TBC1D1: variants seen among roughly 807,000 people sequenced by gnomAD.
TBC1D1 encodes TBC1 (tre-2/USP6, BUB2, cdc16) domain family, member 1.
Under a neutral mutation model 125.6 loss-of-function variants are expected in TBC1D1, and 89 were observed. That is an observed-to-expected ratio of 0.71 (90% CI 0.60 to 0.85). The LOEUF (loss-of-function observed/expected upper bound fraction) is 0.85. TBC1D1 is among the 40% of genes least tolerant of loss of function. TBC1D1 has a pLI of 0.00. For synonymous variants in TBC1D1, 565 were observed against 564.1 expected (o/e 1.00, Z -0.02); for missense variants, 1,377 against 1,469.2 (o/e 0.94, Z 1.03).
intron 12 of TBC1D1, among the ~76,000 whole-genome samples, chr4:38,075,505 G>A (rs1265332248): frequency 6.6e-6 from 1 of 152,208 alleles, no homozygotes; most frequent in African/African-American, 2.4e-5. Context: ...CATTGTGTTG[G>A]GTTGGGAGAA....
chr4:37,998,284 G>A (rs1024530355), intron 2 of TBC1D1, among the ~76,000 whole-genome samples: 3 of 152,178 alleles, frequency 2.0e-5, no homozygotes, highest in Non-Finnish European at 4.4e-5. Flanking sequence ...TCTTCTTGAG[G>A]ACGAAGGCAG....
intron 2 of TBC1D1, among the ~76,000 whole-genome samples, chr4:38,002,742 A>G (rs879526325): frequency 3.3e-5 from 5 of 152,198 alleles, no homozygotes; most frequent in Admixed American, 3.3e-4. Context: ...TTGACGTGCC[A>G]TAAAAACTGC....
intron 12 of TBC1D1, among the ~76,000 whole-genome samples, chr4:38,070,265 A>G (rs76174053): frequency 0.011 from 1,656 of 152,340 alleles, 31 homozygotes; most frequent in African/African-American, 0.038. Context: ...TCCCTCTGCT[A>G]GGATCAACAT....
At chr4:38,076,171 A>C (rs1410808886) in intron 12 of TBC1D1, among the ~76,000 whole-genome samples, 1 of 152,212 alleles carries the variant, frequency 6.6e-6, no homozygotes, top group Non-Finnish European at 1.5e-5. Context: ...TCGTGGTGGA[A>C]GGGGAAGCAA....
chr4:37,953,338 T>C (rs937050172), intron 2 of TBC1D1, among the ~76,000 whole-genome samples: 7 of 152,224 alleles, frequency 4.6e-5, no homozygotes, highest in African/African-American at 1.7e-4. Context: ...TATCAGACTT[T>C]ATTAAAAACG....
intron 8 of TBC1D1, among the ~76,000 whole-genome samples, chr4:38,043,883 G>A (rs934631097): frequency 2.0e-5 from 3 of 152,280 alleles, no homozygotes; most frequent in African/African-American, 7.2e-5. Flanking sequence ...GCCCCCAAAG[G>A]TAAGTTATTG....
chr4:37,920,560 T>C (rs1239907246), intron 2 of TBC1D1, among the ~76,000 whole-genome samples: 1 of 152,120 alleles, frequency 6.6e-6, no homozygotes, highest in Non-Finnish European at 1.5e-5. Flanking sequence ...CACTGCAGAT[T>C]TCTGGGGTAT....
Position 38,068,916 on chromosome 4 carries a change from A to T in TBC1D1, c.2050+14578A>T, listed in dbSNP as rs182755386. Among the ~76,000 whole-genome samples, 169 of 152,346 alleles carry T rather than the reference A, an allele frequency of 1.1e-3. 1 individual carries two copies. Among genetic ancestry groups the T allele is most frequent in the Non-Finnish European group, 4.7e-4 (32 of 68,032 alleles). ...CACTCAGAACCACAAATGTGGCACC[A>T]TCAGCCTTCAGGGTGGTGCTTGTGT... On this transcript the variant is annotated intron_variant, in intron 12 of 19. Transcript: ENST00000261439.
chr4:37,939,075 T>G (rs1165635760), intron 2 of TBC1D1, among the ~76,000 whole-genome samples: 4 of 152,204 alleles, frequency 2.6e-5, no homozygotes, highest in Non-Finnish European at 5.9e-5. Flanking sequence ...GGTATTTCTA[T>G]TTCTAAATCC....
At chr4:37,927,281 G>A (rs910837968) in intron 2 of TBC1D1, among the ~76,000 whole-genome samples, 1 of 152,084 alleles carries the variant, frequency 6.6e-6, no homozygotes, top group African/African-American at 2.4e-5. Flanking sequence ...TTTTTCATTG[G>A]AAGCTAAAGT....
intron 2 of TBC1D1, among the ~76,000 whole-genome samples, chr4:37,956,885 G>A (rs1264364199): frequency 1.3e-5 from 2 of 151,308 alleles, no homozygotes; most frequent in Non-Finnish European, 2.9e-5. Flanking sequence ...GATGAAGTGA[G>A]CAGAGATCGC....
At chr4:37,940,148 T>C (rs1725247640) in intron 2 of TBC1D1, among the ~76,000 whole-genome samples, 1 of 152,198 alleles carries the variant, frequency 6.6e-6, no homozygotes, top group African/African-American at 2.4e-5. Flanking sequence ...ATTCTTCCTA[T>C]CCATGAGCAT....
At chr4:38,033,937 G>C (rs1362965125) in intron 7 of TBC1D1, among the ~76,000 whole-genome samples, 1 of 152,112 alleles carries the variant, frequency 6.6e-6, no homozygotes, top group South Asian at 2.1e-4. Flanking sequence ...CCCATTTGCC[G>C]ATCGATGCAC....
At chr4:38,017,637 A>G (rs1243018399) in intron 3 of TBC1D1, among the ~76,000 whole-genome samples, 1 of 152,160 alleles carries the variant, frequency 6.6e-6, no homozygotes, top group Non-Finnish European at 1.5e-5. Flanking sequence ...TGGGTCTGGG[A>G]GTTAAGAATG....
At chr4:37,919,274 T>G in intron 2 of TBC1D1, among the ~76,000 whole-genome samples, 1 of 151,522 alleles carries the variant, frequency 6.6e-6, no homozygotes, top group Non-Finnish European at 1.5e-5. Context: ...TTCAAGCGAT[T>G]CCCCTGCCTC....
chr4:38,019,331 A>G (rs1025678617), intron 4 of TBC1D1, among the ~76,000 whole-genome samples: 1 of 152,202 alleles, frequency 6.6e-6, no homozygotes, highest in Non-Finnish European at 1.5e-5. Flanking sequence ...GGAACCATTT[A>G]CAAAGAAAAA....
At chr4:37,937,105 G>A (rs1395215133) in intron 2 of TBC1D1, among the ~76,000 whole-genome samples, 1 of 152,188 alleles carries the variant, frequency 6.6e-6, no homozygotes, top group African/African-American at 2.4e-5. Context: ...CACTGCTGCT[G>A]CCAGACACTG....
chr4:37,903,259 G>A (rs376929294), intron 2 of TBC1D1, among the ~76,000 whole-genome samples: 1 of 152,256 alleles, frequency 6.6e-6, no homozygotes, highest in African/African-American at 2.4e-5. Flanking sequence ...TCGTTCATTT[G>A]TGCTTGCTTT....
At chr4:37,976,651 T>G (rs1238349268) in intron 2 of TBC1D1, among the ~76,000 whole-genome samples, 1 of 133,518 alleles carries the variant, frequency 7.5e-6, no homozygotes, top group African/African-American at 4.0e-5. Flanking sequence ...CCTTTGGACT[T>G]TTTTTTTTTT....
Sources: gnomAD v4.1 joint callset for allele counts (sites outside exome capture counted in the v4.1 genomes callset) on GRCh38, gnomAD v4.1.1 for gene constraint, MANE v1.5 for transcripts, NCBI Gene and HGNC (gene_info 2026-07-23, HGNC 2026-07-21) for gene names.